The following ANKRD60 variants were observed in gnomAD, a reference collection of about 807,000 sequenced individuals.
ANKRD60 encodes the protein ankyrin repeat domain 60, also known as ankyrin repeat domain-containing protein 60.
Under a neutral mutation model 21.3 loss-of-function variants are expected in ANKRD60, and 24 were observed. That is an observed-to-expected ratio of 1.13 (90% confidence interval 0.82 to 1.59). The LOEUF (loss-of-function observed/expected upper bound fraction) is 1.59. Ranked by LOEUF, ANKRD60 falls within the 40% of genes most tolerant of loss-of-function variation. The pLI, the probability that ANKRD60 is intolerant of heterozygous loss-of-function variation, is 0.00. For missense variants in ANKRD60, 490 were observed against 466.7 expected (o/e 1.05, Z -0.46); for synonymous variants, 182 against 199.4 (o/e 0.91, Z 0.74).
In ANKRD60 at chr20:58,228,576, C is replaced by T. The variant is rs1374455517; in HGVS notation, c.78G>A (p.Gly26=). 2 of 1,180,388 alleles carry T rather than the reference C, an allele frequency of 1.7e-6. No homozygotes were observed. Among genetic ancestry groups the T allele is most frequent in the East Asian group, 3.8e-5 (1 of 26,592 alleles). The allele number at this position is 1,180,388 out of a possible 1,614,324, so 73.1% of individuals were successfully genotyped here. The change falls in exon 1 of 4, where the codon GGG becomes GGA. Residue 26 remains glycine (G), a synonymous_variant. Transcript: ENST00000457363. This position sits in a 1 kb window ranked among gnomAD's most constrained non-coding sequence, Gnocchi z 5.3. The stretch of plus-strand genomic sequence containing the variant: ...CATTGGGGTGCAGGCGAGAGGCGCC[C>T]CCAGTTGGCCCCGCCGCCCGCGCTC...
Position 58,228,023 on chromosome 20 carries a change from G to A in ANKRD60, c.430+201C>T, listed in dbSNP as rs1289188047. The stretch of plus-strand genomic sequence containing the variant: ...TGATTGGGAGTCCAATTTGAACGCC[G>A]TGTGTTTGAGATTGGGAAGTCCCTC... On this transcript the variant is annotated intron_variant, in intron 1 of 3. Transcript: ENST00000457363. This position sits in a 1 kb window ranked among gnomAD's most constrained non-coding sequence, Gnocchi z 5.3. Among the ~76,000 whole-genome samples the A allele has an allele frequency of 6.6e-6, 1 of 152,124 alleles. No individual in the cohort carries two copies. Among genetic ancestry groups the A allele is most frequent in the Non-Finnish European group, 1.5e-5 (1 of 68,026 alleles).
At chr20:58,218,422 A>G (rs1189381956), downstream of ANKRD60, 23 of 1,423,002 alleles carry the variant, frequency 1.6e-5, no homozygotes, top group Non-Finnish European at 2.1e-5. Context: ...CCTGCTCACC[A>G]AGGGCCCCCA....
At position 58,228,258 on chromosome 20, in the gene ANKRD60, G is replaced by A; in HGVS notation, c.396C>T (p.Pro132=). The A allele has an allele frequency of 5.8e-6, 9 of 1,551,084 alleles. No individual in the cohort carries two copies. Among genetic ancestry groups the A allele is most frequent in the Non-Finnish European group, 7.8e-6 (9 of 1,146,690 alleles). The change falls in exon 1 of 4, where the codon CCC becomes CCT. Residue 132 remains proline, a synonymous_variant. Transcript: ENST00000457363. This position sits in a 1 kb window ranked among gnomAD's most constrained non-coding sequence, Gnocchi z 5.3. ...GGTACTGGAGCCGCTGGAGGTTGAA[G>A]GGGATGCCGACCATCAGGTCCAGCT...
At position 58,221,050 on chromosome 20, in the gene ANKRD60, C is replaced by A. The variant is rs1600683043; in HGVS notation, c.727+288G>T. 2.0e-5 allele frequency among the ~76,000 whole-genome samples: 3 copies of A among 152,268 alleles called. No homozygotes were observed. The South Asian group carries it at 6.2e-4, about 32-fold the overall frequency. ...TCTGGTGAGAAATGAACCAGGGATC[C>A]TTTATAGCTGCCGCCTGTGTCTTGG... On this transcript the variant is annotated intron_variant, in intron 3 of 3. Transcript: ENST00000457363.
intron 1 of ANKRD60, among the ~76,000 whole-genome samples, chr20:58,224,830 A>G (rs1984333373): frequency 6.6e-6 from 1 of 152,202 alleles, no homozygotes; most frequent in Non-Finnish European, 1.5e-5. Context: ...ATAGACAGGC[A>G]GCCACTGCCT....
chr20:58,222,831 T>C (rs2122807501), intron 2 of ANKRD60, among the ~76,000 whole-genome samples: 1 of 152,322 alleles, frequency 6.6e-6, no homozygotes, highest in Middle Eastern at 3.4e-3. Flanking sequence ...GGGCGGTAAG[T>C]GGGTTATAAA....
chr20:58,219,557 C>T (rs1161468905), intron 3 of ANKRD60, among the ~76,000 whole-genome samples: 1 of 152,196 alleles, frequency 6.6e-6, no homozygotes, highest in Non-Finnish European at 1.5e-5. Flanking sequence ...TTCCCCACCG[C>T]CTCCTGCAGA....
rs1028868561 is a variant in ANKRD60, at chr20:58,228,633, C to T, written c.21G>A (p.Trp7Ter). Residue 7 changes from tryptophan to a stop codon, truncating the protein, a stop_gained, in exon 1 of 4, where the codon TGG (tryptophan) becomes TGA (stop). Coordinates refer to ENST00000457363, the Ensembl canonical transcript of ANKRD60. LOFTEE classifies it high-confidence loss of function. The surrounding 1 kb of genome is among the most constrained non-coding windows in gnomAD (Gnocchi z 5.3). The stretch of plus-strand genomic sequence containing the variant: ...CCCCCGCCGCCGCCCGCCGCATCCC[C>T]CAGGCGCGGCCGCGCGTCATCCGCG... 3 of 1,005,578 alleles carry T rather than the reference C, an allele frequency of 3.0e-6. No individual in the cohort carries two copies. The East Asian group carries it at 2.9e-4, about 98-fold the overall frequency. 62.3% of individuals were successfully genotyped at this position (1,005,578 alleles called of 1,614,324 possible). A position where few individuals can be genotyped will look rare whatever the true frequency, so the allele number is the denominator to read the frequency against.
rs571208066 is a variant in ANKRD60, at chr20:58,218,626, T to C, written c.907A>G (p.Arg303Gly). 3.9e-5 allele frequency: 61 copies of C among 1,551,770 alleles called. No homozygotes were observed. The African/African-American group carries it at 8.1e-4, about 21-fold the overall frequency. ...ATCCGGTGGAGGAGGACCATCTGCC[T>C]CTCGCTCAGTGTGTGGTTCAGGCGG... is the stretch of plus-strand genomic sequence containing the variant. Residue 303 changes from arginine to glycine, a missense_variant, in exon 4 of 4, where the codon AGG (arginine) becomes GGG (glycine). Coordinates refer to ENST00000457363, the Ensembl canonical transcript of ANKRD60.
chr20:58,218,562 A>T, exon 4 of ANKRD60: 1 of 1,551,710 alleles, frequency 6.4e-7, no homozygotes, highest in South Asian at 1.2e-5. Context: ...AGCATTCTTC[A>T]TGACCAAGTC....
chr20:58,223,421 AAAATTCTGT>A (rs1471124589), intron 1 of ANKRD60, among the ~76,000 whole-genome samples: 1 of 152,222 alleles, frequency 6.6e-6, no homozygotes, highest in African/African-American at 2.4e-5. Context: ...AACGATTTAT[AAAATTCTGT>A]AATTATAACT....
chr20:58,217,563 G>C (rs1984160913), downstream of ANKRD60, among the ~76,000 whole-genome samples: 1 of 152,082 alleles, frequency 6.6e-6, no homozygotes, highest in Non-Finnish European at 1.5e-5. Context: ...TCTTCAGACA[G>C]CTGGCGCCAT....
chr20:58,216,399 G>A (rs979898100), downstream of ANKRD60, among the ~76,000 whole-genome samples: 3 of 152,198 alleles, frequency 2.0e-5, no homozygotes, highest in Admixed American at 1.3e-4. Context: ...TCCAAACAAC[G>A]AAGGCAGCTG....
intron 3 of ANKRD60, 34 bp downstream of exon 3, chr20:58,221,304 C>G: frequency 6.5e-7 from 1 of 1,540,948 alleles, no homozygotes; most frequent in Non-Finnish European, 8.8e-7. Context: ...AAAATCCCAA[C>G]TCATGAATAT....
intron 2 of ANKRD60, among the ~76,000 whole-genome samples, chr20:58,222,483 T>C (rs533768500): frequency 6.6e-6 from 1 of 152,350 alleles, no homozygotes; most frequent in East Asian, 1.9e-4. Context: ...AGGAAGAATA[T>C]AGCATTGCCC....
intron 3 of ANKRD60, among the ~76,000 whole-genome samples, chr20:58,220,670 T>G (rs991458529): frequency 3.3e-5 from 5 of 151,108 alleles, no homozygotes; most frequent in African/African-American, 1.2e-4. Flanking sequence ...TGGACTATTT[T>G]GGGGTTTTTT....
At chr20:58,216,286 G>A (rs1468889729), downstream of ANKRD60, among the ~76,000 whole-genome samples, 1 of 152,158 alleles carries the variant, frequency 6.6e-6, no homozygotes, top group Non-Finnish European at 1.5e-5. Flanking sequence ...GAAGAGTTTG[G>A]GACCTGCCCA....
chr20:58,216,148 T>C (rs1984131069), downstream of ANKRD60, among the ~76,000 whole-genome samples: 1 of 152,200 alleles, frequency 6.6e-6, no homozygotes, highest in Admixed American at 6.5e-5. Context: ...TCTGGATATA[T>C]TTTATTTCGT....
downstream of ANKRD60, among the ~76,000 whole-genome samples, chr20:58,216,927 C>A (rs573580048): frequency 1.3e-5 from 2 of 152,208 alleles, no homozygotes; most frequent in Non-Finnish European, 2.9e-5. Context: ...GGACCCCACA[C>A]GCCACCCAGT....
Sources: gnomAD v4.1 joint callset for allele counts (sites outside exome capture counted in the v4.1 genomes callset) on GRCh38, gnomAD v4.1.1 for gene constraint, Gnocchi (gnomAD v3.1) non-coding constraint, MANE v1.5 for transcripts, NCBI Gene and HGNC (gene_info 2026-07-23, HGNC 2026-07-21) for gene names.